The following PCDHGA1 variants were observed in gnomAD, a reference collection of about 807,000 sequenced individuals.
The protein encoded by PCDHGA1 is protocadherin gamma subfamily A, 1.
In PCDHGA1, 32 loss-of-function variants were observed where a neutral mutation model predicts 58.0. The ratio of observed to expected loss-of-function variants is 0.55; its 90% CI spans 0.42 to 0.74. The LOEUF (loss-of-function observed/expected upper bound fraction) is 0.74. Ranked by LOEUF, PCDHGA1 falls within the 30% of genes least tolerant of loss-of-function variation. The probability of loss-of-function intolerance (pLI) is 0.00; values close to 1 mark genes in which losing one functional copy is unlikely to be tolerated. For synonymous variants in PCDHGA1, 498 were observed against 501.1 expected, an observed-to-expected ratio of 0.99 and a Z score of 0.08; for missense variants, 1,205 against 1,182.3, an observed-to-expected ratio of 1.02 and a Z score of -0.28.
intron 1 of PCDHGA1, chr5:141,409,901 C>T (rs1157563397): frequency 6.2e-7 from 1 of 1,613,264 alleles, no homozygotes; most frequent in East Asian, 2.2e-5. Flanking sequence ...GTACCCAGCT[C>T]TGGGTCCTGA....
chr5:141,460,224 T>C (rs986301555), intron 1 of PCDHGA1, among the ~76,000 whole-genome samples: 1 of 152,168 alleles, frequency 6.6e-6, no homozygotes, highest in African/African-American at 2.4e-5. Context: ...GTTGTGTCTT[T>C]TGAAGAGCAG....
intron 1 of PCDHGA1, among the ~76,000 whole-genome samples, chr5:141,357,904 T>C (rs1760761041): frequency 6.6e-6 from 1 of 152,222 alleles, no homozygotes; most frequent in Non-Finnish European, 1.5e-5. Flanking sequence ...AATTTCCTTT[T>C]CTGTGCTGGG....
At chr5:141,450,516 C>T (rs150995579) in intron 1 of PCDHGA1, among the ~76,000 whole-genome samples, 2,020 of 152,024 alleles carry the variant, frequency 0.013, 56 homozygotes, top group African/African-American at 0.046. Context: ...GATGGAGTCT[C>T]ATTCTTGTCA....
chr5:141,351,555 C>T (rs776805404), intron 1 of PCDHGA1: 7 of 1,614,022 alleles, frequency 4.3e-6, no homozygotes, highest in South Asian at 3.3e-5. Context: ...TCCTCCAGGA[C>T]AAGCATCACC....
At chr5:141,381,977 G>T (rs61025717) in intron 1 of PCDHGA1, among the ~76,000 whole-genome samples, 22 of 151,370 alleles carry the variant, frequency 1.5e-4, no homozygotes, top group African/African-American at 5.3e-4. Context: ...TTACAGGCGC[G>T]CGCCACCACG....
At chr5:141,352,287 A>G (rs758145608) in intron 1 of PCDHGA1, 14 of 1,613,930 alleles carry the variant, frequency 8.7e-6, no homozygotes, top group Non-Finnish European at 8.5e-7. Flanking sequence ...GACCGCCCTG[A>G]GCCCTCTGAC....
intron 1 of PCDHGA1, chr5:141,427,595 C>A: frequency 1.5e-6 from 1 of 681,870 alleles, no homozygotes; most frequent in Non-Finnish European, 2.7e-6. Flanking sequence ...CAAGCCTCAC[C>A]CTACGCATTG....
At chr5:141,351,685 G>T (rs376017038) in intron 1 of PCDHGA1, 3 of 1,613,948 alleles carry the variant, frequency 1.9e-6, no homozygotes, top group East Asian at 4.5e-5. Flanking sequence ...CCTCCGACCC[G>T]GATTTGGGAC....
Position 141,422,144 on chromosome 5 carries a change from G to A in PCDHGA1, c.2422-72663G>A, listed in dbSNP as rs748208921. On this transcript the variant is annotated intron_variant, in intron 1 of 3. Transcript: ENST00000517417. Reference sequence around the variant, plus strand: ...CAAACTGGAGAAGTTCAAGTACGGGGGTCTCTGGATTTTGAAAAATATAGA... The same window carrying A: ...CAAACTGGAGAAGTTCAAGTACGGGAGTCTCTGGATTTTGAAAAATATAGA... 1.9e-6 allele frequency: 3 copies of A among 1,583,402 alleles called. No individual in the cohort carries two copies. In the African/African-American group the frequency reaches 4.1e-5, roughly 22 times the overall value.
intron 2 of PCDHGA1, among the ~76,000 whole-genome samples, chr5:141,500,182 A>T (rs1050067271): frequency 4.6e-5 from 6 of 131,718 alleles, no homozygotes; most frequent in African/African-American, 1.9e-4. Context: ...CTTCATTTTT[A>T]TTTTTATTTA....
rs765353257 is a variant in PCDHGA1 at position 141,431,824 on chromosome 5, G to A, written c.2422-62983G>A. On this transcript the variant is annotated intron_variant, in intron 1 of 3. Coordinates refer to ENST00000517417, the MANE Select transcript of PCDHGA1 (RefSeq NM_018912.3). The surrounding 1 kb of genome is among the most constrained non-coding windows in gnomAD (Gnocchi z 4.8). ...TGGTCCTCACCTCTCTCGCCAGCTC[G>A]GTTCCCGAAAACTCTCCCAGAGGGA... is the stretch of plus-strand genomic sequence containing the variant. The A allele has an allele frequency of 1.3e-5, 21 of 1,614,092 alleles. No homozygotes were observed. In the South Asian group the frequency reaches 2.1e-4, roughly 16 times the overall value.
intron 1 of PCDHGA1, chr5:141,421,262 GGCT>G (rs748368476): frequency 2.1e-5 from 34 of 1,608,226 alleles, no homozygotes; most frequent in Admixed American, 5.1e-5. Flanking sequence ...GACCGCAGTC[GGCT>G]GCTGCTGCTG....
chr5:141,469,676 A>G (rs1227075639), intron 1 of PCDHGA1, among the ~76,000 whole-genome samples: 1 of 152,250 alleles, frequency 6.6e-6, no homozygotes, highest in African/African-American at 2.4e-5. Context: ...ATAAAACTAC[A>G]TATGCATTGG....
intron 1 of PCDHGA1, chr5:141,340,484 A>C (rs199835971): frequency 6.2e-7 from 1 of 1,614,098 alleles, no homozygotes; most frequent in African/African-American, 1.3e-5. Flanking sequence ...ATCCTCTTAC[A>C]TCTCTATCAA....
chr5:141,442,786 A>T (rs569050347), intron 1 of PCDHGA1, among the ~76,000 whole-genome samples: 12 of 152,308 alleles, frequency 7.9e-5, no homozygotes, highest in African/African-American at 2.6e-4. Context: ...TATATTTTAT[A>T]ATTTTACTTT....
intron 1 of PCDHGA1, chr5:141,344,088 C>T: frequency 6.2e-7 from 1 of 1,612,960 alleles, no homozygotes; most frequent in South Asian, 1.1e-5. Flanking sequence ...GCTGTGCGCG[C>T]TCCTGGGGAC....
chr5:141,418,738 T>G lies in PCDHGA1; in HGVS notation c.2422-76069T>G, dbSNP rs781221446. 4.3e-6 allele frequency: 7 copies of G among 1,613,964 alleles called. No homozygotes were observed. In the South Asian group the frequency reaches 6.6e-5, roughly 15 times the overall value. On this transcript the variant is annotated intron_variant, in intron 1 of 3. Transcript: ENST00000517417. ...CTGACAAAGCTCAGCACGTGTTCTC[T>G]CTGGATTACACTACAGGAAACATTC...
At chr5:141,418,341 A>G (rs1407312724) in intron 1 of PCDHGA1, 1 of 1,614,006 alleles carries the variant, frequency 6.2e-7, no homozygotes, top group South Asian at 1.1e-5. Context: ...GAAGATCCTG[A>G]TATTAGTATG....
At chr5:141,500,260 C>G (rs2099798502) in intron 2 of PCDHGA1, among the ~76,000 whole-genome samples, 3 of 151,104 alleles carry the variant, frequency 2.0e-5, no homozygotes, top group African/African-American at 2.4e-5. Flanking sequence ...CCAGGCTGGA[C>G]TGCAGTGGCG....
Sources: allele counts gnomAD v4.1 joint callset (sites outside exome capture counted in the v4.1 genomes callset), GRCh38; gene constraint gnomAD v4.1.1; non-coding constraint Gnocchi (gnomAD v3.1); transcripts MANE v1.5; gene names NCBI Gene and HGNC (gene_info 2026-07-23, HGNC 2026-07-21).